RAPGEF6: variants seen among roughly 807,000 people sequenced by gnomAD.
RAPGEF6 encodes the protein Rap guanine nucleotide exchange factor 6, also known as PDZ domain containing guanine nucleotide exchange factor (GEF) 2.
RAPGEF6 carries 56 observed loss-of-function variants against 171.4 expected under a neutral mutation model. The ratio of observed to expected loss-of-function variants is 0.33; its 90% CI spans 0.26 to 0.41. The LOEUF (loss-of-function observed/expected upper bound fraction) is 0.41, where lower values mean the gene tolerates loss of function less well. RAPGEF6 is among the 10% of genes least tolerant of loss of function. The probability of loss-of-function intolerance (pLI) is 1.00; values close to 1 mark genes in which losing one functional copy is unlikely to be tolerated. For synonymous variants in RAPGEF6, 692 were observed against 650.1 expected (o/e 1.06, Z -0.98); for missense variants, 1,674 against 1,921.4 (o/e 0.87, Z 2.41).
In RAPGEF6 at chr5:131,581,040, A is replaced by C. The variant is rs139602275; in HGVS notation, c.281+11343T>G. ...TTGGAACTGGAATAGCAGGCATCTC[A>C]ACCTCTGTCACAACATTCCGCAGCC... On this transcript the variant is annotated intron_variant, in intron 4 of 27. Coordinates refer to ENST00000509018, the MANE Select transcript of RAPGEF6 (RefSeq NM_016340.6). 2.6e-3 allele frequency among the ~76,000 whole-genome samples: 399 copies of C among 152,240 alleles called. 4 individuals are homozygous for C. Among genetic ancestry groups the C allele is most frequent in the African/African-American group, 9.2e-3 (384 of 41,522 alleles).
chr5:131,633,855 C>T (rs2149495222), intron 1 of RAPGEF6, among the ~76,000 whole-genome samples: 1 of 152,304 alleles, frequency 6.6e-6, no homozygotes, highest in African/African-American at 2.4e-5. Context: ...ATTCATAAAT[C>T]AGCTCACATT....
chr5:131,468,102 C>T (rs575723826), intron 17 of RAPGEF6, among the ~76,000 whole-genome samples: 6 of 150,914 alleles, frequency 4.0e-5, no homozygotes, highest in South Asian at 2.1e-4. Context: ...CCGAGGTGGG[C>T]GGATCACGAG....
intron 11 of RAPGEF6, among the ~76,000 whole-genome samples, chr5:131,500,094 T>G (rs1029164083): frequency 6.6e-6 from 1 of 152,192 alleles, no homozygotes; most frequent in Non-Finnish European, 1.5e-5. Flanking sequence ...AGACGGGGTT[T>G]CACCATGTTG....
chr5:131,580,802 G>C (rs567186868), intron 4 of RAPGEF6, among the ~76,000 whole-genome samples: 75 of 152,178 alleles, frequency 4.9e-4, no homozygotes, highest in African/African-American at 1.8e-3. Flanking sequence ...ACTGACACAA[G>C]GTCTCTTCTT....
Position 131,429,169 on chromosome 5 carries a change from G to A in RAPGEF6, c.4513C>T (p.Pro1505Ser). The A allele has an allele frequency of 6.2e-7, 1 of 1,613,574 alleles. No homozygotes were observed. Among genetic ancestry groups the A allele is most frequent in the Non-Finnish European group, 8.5e-7 (1 of 1,179,578 alleles). ...CCCAAATATCCTGGAGGAGTGGGAGGTGGCTCCCTATACCTATCGTCCTTC... is the reference window on the plus strand; with the variant it reads ...CCCAAATATCCTGGAGGAGTGGGAGATGGCTCCCTATACCTATCGTCCTTC... ...PKKDDRYREP[P>S]PTPPGYLGIS... The change falls in exon 27 of 28, where the codon CCT becomes TCT. Residue 1505 changes from proline (P) to serine (S), a missense_variant. Coordinates refer to ENST00000509018, the MANE Select transcript of RAPGEF6 (RefSeq NM_016340.6).
intron 3 of RAPGEF6, among the ~76,000 whole-genome samples, chr5:131,598,649 A>C (rs1764047288): frequency 6.6e-6 from 1 of 152,256 alleles, no homozygotes; most frequent in Non-Finnish European, 1.5e-5. Context: ...AAAACATCTT[A>C]AAAGTGTTAC....
chr5:131,629,129 C>A (rs1426628994), intron 1 of RAPGEF6, among the ~76,000 whole-genome samples: 1 of 152,120 alleles, frequency 6.6e-6, no homozygotes, highest in Non-Finnish European at 1.5e-5. Flanking sequence ...CCTAACAGAT[C>A]TGTGAAAAGA....
chr5:131,616,846 ATCC>A (rs1403980789), intron 1 of RAPGEF6, among the ~76,000 whole-genome samples: 1 of 151,816 alleles, frequency 6.6e-6, no homozygotes, highest in African/African-American at 2.4e-5. Flanking sequence ...AGCTCAAAGG[ATCC>A]TCCTACCTTG....
At chr5:131,584,616 A>G (rs960569698) in intron 4 of RAPGEF6, among the ~76,000 whole-genome samples, 3 of 152,206 alleles carry the variant, frequency 2.0e-5, no homozygotes, top group Non-Finnish European at 4.4e-5. Context: ...TACTCCTGCA[A>G]GTAACAGTGC....
Position 131,444,933 on chromosome 5 carries a change from C to G in RAPGEF6, c.3421+1550G>C, listed in dbSNP as rs545168992. Reference sequence around the variant, plus strand: ...GTTCTATATACTCTTTCAGCTTTTACCTTTAACATGTACCATTTAACATGT... The same window carrying G: ...GTTCTATATACTCTTTCAGCTTTTAGCTTTAACATGTACCATTTAACATGT... On this transcript the variant is annotated intron_variant, in intron 22 of 27. Transcript: ENST00000509018. 7.2e-5 allele frequency among the ~76,000 whole-genome samples: 11 copies of G among 152,278 alleles called. No homozygotes were observed. In the South Asian group the frequency reaches 2.3e-3, roughly 32 times the overall value.
intron 1 of RAPGEF6, among the ~76,000 whole-genome samples, chr5:131,608,439 G>C (rs961143409): frequency 3.9e-5 from 6 of 152,186 alleles, no homozygotes; most frequent in African/African-American, 1.2e-4. Context: ...TTTTTTGACA[G>C]GCTATGTTGA....
At chr5:131,543,416 T>C (rs772336945) in intron 6 of RAPGEF6, among the ~76,000 whole-genome samples, 1 of 152,138 alleles carries the variant, frequency 6.6e-6, no homozygotes, top group Non-Finnish European at 1.5e-5. Context: ...CAGTGAAAGG[T>C]GGCTGGGAGA....
intron 24 of RAPGEF6, chr5:131,435,950 A>C: frequency 6.6e-7 from 1 of 1,524,080 alleles, no homozygotes; most frequent in Non-Finnish European, 8.8e-7. Flanking sequence ...AAGGAACTTC[A>C]TCAGAGTGTC....
At position 131,428,906 on chromosome 5, in the gene RAPGEF6, T is replaced by C. The variant is rs529757312; in HGVS notation, c.4776A>G (p.Ala1592=). The stretch of plus-strand genomic sequence containing the variant: ...TAAGAGAGCTTGTCAACATACCATC[T>C]GCTTCGCTATCTGCATCAGTCACAT... ...LGDVTDADSE[A]DENEQVSAV The change falls in exon 27 of 28, where the codon GCA becomes GCG. Residue 1592 remains alanine (A), a synonymous_variant. Transcript: ENST00000509018. 9 of 1,611,924 alleles carry C rather than the reference T, an allele frequency of 5.6e-6. No individual in the cohort carries two copies. The highest frequency in any genetic ancestry group is 6.8e-6 in the Non-Finnish European group (8 of 1,178,202).
chr5:131,631,230 G>A (rs566363788), intron 1 of RAPGEF6, among the ~76,000 whole-genome samples: 49 of 152,288 alleles, frequency 3.2e-4, no homozygotes, highest in African/African-American at 1.2e-3. Flanking sequence ...ATACAAATTT[G>A]TATATGCAAC....
At chr5:131,634,899 G>A (rs1341994020) in intron 1 of RAPGEF6, 63 bp downstream of exon 1, 2 of 1,576,848 alleles carry the variant, frequency 1.3e-6, no homozygotes, top group Admixed American at 3.3e-5. Flanking sequence ...CGCGGATTTC[G>A]GACAGACAGG....
intron 27 of RAPGEF6, 96 bp downstream of exon 27, chr5:131,428,806 G>A: frequency 7.6e-7 from 1 of 1,308,176 alleles, no homozygotes; most frequent in Non-Finnish European, 1.1e-6. Flanking sequence ...GGCATTTAAA[G>A]AAACAATTAC....
Position 131,635,112 on chromosome 5 carries a change from T to G in RAPGEF6, c.-82A>C. The G allele has an allele frequency of 2.9e-6, 4 of 1,382,170 alleles. No homozygotes were observed. Among genetic ancestry groups the G allele is most frequent in the Non-Finnish European group, 3.9e-6 (4 of 1,033,212 alleles). 85.6% of individuals were successfully genotyped at this position (1,382,170 alleles called of 1,614,324 possible). On this transcript the variant is annotated 5_prime_UTR_variant, in exon 1 of 28. Coordinates refer to ENST00000509018, the MANE Select transcript of RAPGEF6 (RefSeq NM_016340.6). Reference sequence around the variant, plus strand: ...CACACTAGGTAGCGGGTGCGGTACCTTTCCCCCGCCCCAAGGAGGGAACTT... The same window carrying G: ...CACACTAGGTAGCGGGTGCGGTACCGTTCCCCCGCCCCAAGGAGGGAACTT...
rs1273156529 is a variant in RAPGEF6 at position 131,589,824 on chromosome 5, C to T, written c.281+2559G>A. On this transcript the variant is annotated intron_variant, in intron 4 of 27. Transcript: ENST00000509018. The stretch of plus-strand genomic sequence containing the variant: ...ATCTGCATCCTGGTAAGGGGGGTCT[C>T]CTAAGTGCCACTCCTGGTCAGCAGT... Among the ~76,000 whole-genome samples, 4 of 152,194 alleles carry T rather than the reference C, an allele frequency of 2.6e-5. No individual in the cohort carries two copies. The South Asian group carries it at 8.3e-4, about 32-fold the overall frequency.
Sources: allele counts gnomAD v4.1 joint callset (sites outside exome capture counted in the v4.1 genomes callset), GRCh38; gene constraint gnomAD v4.1.1; transcripts MANE v1.5; gene names NCBI Gene and HGNC (gene_info 2026-07-23, HGNC 2026-07-21).